The following LDB2 variants were observed in gnomAD, a reference collection of about 807,000 sequenced individuals.
LDB2 encodes LIM domain-binding protein 2.
LDB2 carries 12 observed loss-of-function variants against 44.3 expected under a neutral mutation model. The ratio of observed to expected loss-of-function variants is 0.27; its 90% CI spans 0.17 to 0.44. LDB2 has a LOEUF of 0.44. Among genes scored for constraint, LDB2 ranks in the 20% least tolerant of loss-of-function variants. The pLI is 1.00. For synonymous variants in LDB2, 164 were observed against 174.8 expected, an observed-to-expected ratio of 0.94 and a Z score of 0.49; for missense variants, 344 against 473.5, an observed-to-expected ratio of 0.73 and a Z score of 2.54.
At chr4:16,644,278 C>A (rs574580478) in intron 2 of LDB2, among the ~76,000 whole-genome samples, 1 of 152,122 alleles carries the variant, frequency 6.6e-6, no homozygotes, top group Non-Finnish European at 1.5e-5. Context: ...AATGATGGGA[C>A]TTGCACTTCA....
intron 1 of LDB2, among the ~76,000 whole-genome samples, chr4:16,884,955 G>A (rs1168974607): frequency 6.6e-6 from 1 of 152,038 alleles, no homozygotes; most frequent in African/African-American, 2.4e-5. Context: ...CATGACTCCA[G>A]AAGTTAAGCG....
intron 2 of LDB2, among the ~76,000 whole-genome samples, chr4:16,751,127 A>C (rs1765418724): frequency 6.6e-6 from 1 of 152,158 alleles, no homozygotes; most frequent in Admixed American, 6.5e-5. Context: ...TTAGTACCTC[A>C]TTCAGACCTC....
chr4:16,846,616 CATTT>C (rs1365483815), intron 1 of LDB2, among the ~76,000 whole-genome samples: 4 of 152,210 alleles, frequency 2.6e-5, no homozygotes, highest in Admixed American at 2.6e-4. Flanking sequence ...ATTTTGGAAA[CATTT>C]ATATGTTAAA....
At chr4:16,696,897 C>T (rs1752245030) in intron 2 of LDB2, among the ~76,000 whole-genome samples, 3 of 151,948 alleles carry the variant, frequency 2.0e-5, no homozygotes, top group Non-Finnish European at 2.9e-5. Flanking sequence ...GGAGTGGTGC[C>T]GGAAGATATA....
At chr4:16,738,270 C>T (rs1243123161) in intron 2 of LDB2, among the ~76,000 whole-genome samples, 2 of 152,134 alleles carry the variant, frequency 1.3e-5, no homozygotes, top group East Asian at 1.9e-4. Flanking sequence ...TTGGATACAC[C>T]GCTGCTCCTC....
At chr4:16,613,725 C>T (rs933375250) in intron 2 of LDB2, among the ~76,000 whole-genome samples, 1 of 151,956 alleles carries the variant, frequency 6.6e-6, no homozygotes, top group Non-Finnish European at 1.5e-5. Context: ...TGTAAAGGAC[C>T]TTTTCAAGGA....
At chr4:16,674,826 C>T (rs1745847870) in intron 2 of LDB2, among the ~76,000 whole-genome samples, 1 of 152,130 alleles carries the variant, frequency 6.6e-6, no homozygotes. Context: ...GACACACACA[C>T]ACACATCCCT....
At chr4:16,774,002 A>AAAAAAAAAAAG (rs1417621779) in intron 1 of LDB2, among the ~76,000 whole-genome samples, 4 of 150,930 alleles carry the variant, frequency 2.7e-5, no homozygotes, top group Middle Eastern at 3.4e-3. Context: ...AAAATACAAA[A>AAAAAAAAAAAG]AAAATAGCTG....
chr4:16,865,702 G>A (rs1044583470), intron 1 of LDB2, among the ~76,000 whole-genome samples: 13 of 152,202 alleles, frequency 8.5e-5, no homozygotes, highest in Non-Finnish European at 1.2e-4. Flanking sequence ...CTTTGCACGT[G>A]GCTGTCTACA....
intron 2 of LDB2, among the ~76,000 whole-genome samples, chr4:16,755,983 C>T (rs879502369): frequency 3.3e-5 from 5 of 152,152 alleles, no homozygotes; most frequent in Admixed American, 1.3e-4. Flanking sequence ...CTCACCTGGG[C>T]GGACACACCC....
chr4:16,679,012 C>T (rs930199419), intron 2 of LDB2, among the ~76,000 whole-genome samples: 34 of 152,308 alleles, frequency 2.2e-4, no homozygotes, highest in Middle Eastern at 3.4e-3. Context: ...AAGTCCCTGA[C>T]CTCATTGTTA....
chr4:16,588,079 C>G (rs1717641044), intron 4 of LDB2, among the ~76,000 whole-genome samples: 1 of 98,466 alleles, frequency 1.0e-5, no homozygotes, highest in Admixed American at 1.3e-4. Context: ...TTGACGACTT[C>G]TTAAGAGATT....
intron 2 of LDB2, among the ~76,000 whole-genome samples, chr4:16,610,057 A>T (rs1725183619): frequency 6.6e-6 from 1 of 152,016 alleles, no homozygotes; most frequent in African/African-American, 2.4e-5. Flanking sequence ...CATGGGAGCG[A>T]ATCAGATGAA....
At chr4:16,838,041 G>T (rs1785195227) in intron 1 of LDB2, among the ~76,000 whole-genome samples, 2 of 152,194 alleles carry the variant, frequency 1.3e-5, no homozygotes, top group African/African-American at 2.4e-5. Flanking sequence ...CAGAGAAGGT[G>T]CAAAATAAGG....
intron 1 of LDB2, among the ~76,000 whole-genome samples, chr4:16,838,836 G>A (rs1785361357): frequency 1.3e-5 from 2 of 152,216 alleles, no homozygotes; most frequent in Admixed American, 1.3e-4. Context: ...CATTTTGGAA[G>A]AACTTACTCT....
At chr4:16,554,823 C>G (rs1738936407) in intron 5 of LDB2, among the ~76,000 whole-genome samples, 1 of 152,198 alleles carries the variant, frequency 6.6e-6, no homozygotes. Flanking sequence ...AAATTGCTCT[C>G]TATGATACCA....
At chr4:16,626,323 G>A (rs1330921028) in intron 2 of LDB2, among the ~76,000 whole-genome samples, 1 of 152,116 alleles carries the variant, frequency 6.6e-6, no homozygotes, top group Non-Finnish European at 1.5e-5. Flanking sequence ...ATCACCAATT[G>A]AAGTCCCTGG....
chr4:16,610,865 C>T (rs746102280), intron 2 of LDB2, among the ~76,000 whole-genome samples: 30 of 152,188 alleles, frequency 2.0e-4, no homozygotes, highest in Middle Eastern at 3.4e-3. Context: ...ATACAGAGAA[C>T]GCCATTAAGA....
At chr4:16,550,709 G>T (rs1476881262) in intron 5 of LDB2, among the ~76,000 whole-genome samples, 1 of 152,220 alleles carries the variant, frequency 6.6e-6, no homozygotes, top group African/African-American at 2.4e-5. Context: ...GGAAAACAAA[G>T]CTTCAGATGC....
Sources: allele counts gnomAD v4.1 joint callset (sites outside exome capture counted in the v4.1 genomes callset), GRCh38; gene constraint gnomAD v4.1.1; transcripts MANE v1.5; gene names NCBI Gene and HGNC (gene_info 2026-07-23, HGNC 2026-07-21).